The following LGI2 variants were observed in gnomAD, a reference collection of about 807,000 sequenced individuals.
The protein encoded by LGI2 is leucine rich repeat LGI family member 2.
LGI2 carries 30 observed loss-of-function variants against 52.0 expected under a neutral mutation model. The ratio of observed to expected loss-of-function variants is 0.58; its 90% CI spans 0.43 to 0.78. LGI2 has a LOEUF of 0.78. Among genes scored for constraint, LGI2 ranks in the 30% least tolerant of loss-of-function variants. The pLI is 0.00. For missense variants in LGI2, 573 were observed against 692.5 expected, an observed-to-expected ratio of 0.83 and a Z score of 1.94; for synonymous variants, 270 against 271.8, an observed-to-expected ratio of 0.99 and a Z score of 0.06.
intron 5 of LGI2, 41 bp from the exon 6 acceptor site, chr4:25,018,199 T>C (rs1405951121): frequency 7.0e-7 from 1 of 1,427,824 alleles, no homozygotes. Context: ...CAAAGAGAAA[T>C]AGATGTGTCT....
At chr4:24,992,099 A>T in the LGI2 span, among the ~76,000 whole-genome samples, 2 of 152,198 alleles carry the variant, frequency 1.3e-5, no homozygotes, top group Non-Finnish European at 2.9e-5. Context: ...AGAAGATTCA[A>T]GCTGCAGATT....
At chr4:25,013,503 T>G (rs1183050362) in intron 6 of LGI2, among the ~76,000 whole-genome samples, 2 of 152,152 alleles carry the variant, frequency 1.3e-5, no homozygotes, top group Non-Finnish European at 2.9e-5. Context: ...GATTCACGAT[T>G]ATTTCAAAAG....
At chr4:24,997,340 A>G (rs567102182), downstream of LGI2, among the ~76,000 whole-genome samples, 13 of 152,318 alleles carry the variant, frequency 8.5e-5, no homozygotes, top group South Asian at 2.3e-3. Flanking sequence ...GGCAATTTAT[A>G]TAGAGCACTT....
intron 5 of LGI2, 40 bp downstream of exon 5, chr4:25,019,127 C>A (rs773877300): frequency 8.3e-7 from 1 of 1,199,258 alleles, no homozygotes; most frequent in Admixed American, 1.7e-5. Context: ...TTAACTGGGG[C>A]ACAATGACAA....
At chr4:25,008,514 C>A (rs571430812) in intron 7 of LGI2, among the ~76,000 whole-genome samples, 1 of 148,456 alleles carries the variant, frequency 6.7e-6, no homozygotes, top group East Asian at 2.0e-4. Context: ...GATCACACCA[C>A]CGCACTCCAG....
Position 25,002,181 on chromosome 4 carries a change from C to T in LGI2, c.*1270G>A, listed in dbSNP as rs1231913335. ...TCCAAAGCTGGCCCCTACTGATCAG[C>T]CTGAGATCCCCAGCCTGCACAGGCT... On this transcript the variant is annotated 3_prime_UTR_variant, in exon 8 of 8. Coordinates refer to ENST00000382114, the MANE Select transcript of LGI2 (RefSeq NM_018176.4). The T allele has an allele frequency of 1.3e-5, 2 of 152,236 alleles. No homozygotes were observed. The highest frequency in any genetic ancestry group is 1.3e-4 in the Admixed American group (2 of 15,284). 9.4% of individuals were successfully genotyped at this position (152,236 alleles called of 1,614,324 possible).
chr4:24,998,334 T>G (rs947354257), downstream of LGI2, among the ~76,000 whole-genome samples: 3 of 152,192 alleles, frequency 2.0e-5, no homozygotes, highest in Admixed American at 2.0e-4. Context: ...TGACACACAA[T>G]AAGTACACAG....
rs1333788571 is a variant in LGI2 at position 25,014,846 on chromosome 4, AAAAAAAAAGAG to A, written c.656-2358_656-2348del. Among the ~76,000 whole-genome samples the A allele has an allele frequency of 4.5e-4, 64 of 143,402 alleles. 1 individual carries two copies. The highest frequency in any genetic ancestry group is 7.1e-4 in the African/African-American group (26 of 36,842). 94.1% of individuals were successfully genotyped at this position (143,402 alleles called of 152,430 possible). On this transcript the variant is annotated intron_variant, in intron 6 of 7. Transcript: ENST00000382114. ...ACCTTGTCTCAAAAAAAAAAAAAAA[AAAAAAAAAGAG>A]AGAGAGAGAGAGAGAATGAAAAGAA...
At position 24,999,435 on chromosome 4, in the gene LGI2, C is replaced by T. The variant is rs1409507138; in HGVS notation, c.*4016G>A. 4.6e-5 allele frequency: 7 copies of T among 152,984 alleles called. No individual in the cohort carries two copies. The highest frequency in any genetic ancestry group is 1.0e-4 in the Non-Finnish European group (7 of 68,626). 9.5% of individuals were successfully genotyped at this position (152,984 alleles called of 1,614,324 possible). A position where few individuals can be genotyped will look rare whatever the true frequency, so the allele number is the denominator to read the frequency against. ...CCACTTTGCCATTCCCCTTCCATTGCCACCCAAATCCGGACCACTTTCTAA... is the reference window on the plus strand; with the variant it reads ...CCACTTTGCCATTCCCCTTCCATTGTCACCCAAATCCGGACCACTTTCTAA... On this transcript the variant is annotated 3_prime_UTR_variant, in exon 8 of 8. Transcript: ENST00000382114.
intron 4 of LGI2, among the ~76,000 whole-genome samples, chr4:25,024,145 T>C (rs1223898791): frequency 6.6e-6 from 1 of 152,190 alleles, no homozygotes; most frequent in African/African-American, 2.4e-5. Flanking sequence ...CAGATTATTA[T>C]GAAAGATGAA....
the LGI2 span, among the ~76,000 whole-genome samples, chr4:24,992,557 T>TA: frequency 1.7e-3 from 247 of 145,654 alleles, no homozygotes; most frequent in Non-Finnish European, 1.9e-3. Flanking sequence ...CTACTAAAAA[T>TA]AAAAAAAAAT....
chr4:25,019,495 C>T (rs1486505708), intron 4 of LGI2, among the ~76,000 whole-genome samples: 4 of 152,068 alleles, frequency 2.6e-5, no homozygotes, highest in African/African-American at 9.7e-5. Context: ...TCCCATGTTT[C>T]CTGGAATCAA....
chr4:25,011,600 A>G (rs970444258), intron 7 of LGI2, among the ~76,000 whole-genome samples: 2 of 152,228 alleles, frequency 1.3e-5, no homozygotes, highest in African/African-American at 4.8e-5. Context: ...ACGCTGCTCT[A>G]AGGCCACATC....
At chr4:25,006,339 C>G (rs542376998) in intron 7 of LGI2, among the ~76,000 whole-genome samples, 1 of 152,302 alleles carries the variant, frequency 6.6e-6, no homozygotes, top group African/African-American at 2.4e-5. Flanking sequence ...GATCCTCCAT[C>G]TAGATCACTC....
chr4:25,028,676 C>G, intron 1 of LGI2, 98 bp from the exon 2 acceptor site: 1 of 1,024,792 alleles, frequency 9.8e-7, no homozygotes, highest in South Asian at 1.4e-5. Flanking sequence ...TACTTCAAAC[C>G]CTGACTCTCA....
chr4:25,009,436 C>T (rs1323254069), intron 7 of LGI2, among the ~76,000 whole-genome samples: 5 of 152,146 alleles, frequency 3.3e-5, no homozygotes, highest in Non-Finnish European at 7.4e-5. Context: ...GGACCCTCTA[C>T]CCAAGCCTTC....
Position 25,005,229 on chromosome 4 carries a change from T to C in LGI2, c.821-961A>G, listed in dbSNP as rs552861114. ...GACGTTAGTTGTACAACACTGTGAA[T>C]GTACCTAATGCCACTGACCAGTATA... On this transcript the variant is annotated intron_variant, in intron 7 of 7. Coordinates refer to ENST00000382114, the MANE Select transcript of LGI2 (RefSeq NM_018176.4). Among the ~76,000 whole-genome samples the C allele has an allele frequency of 1.3e-5, 2 of 152,328 alleles. 1 individual carries two copies. The highest frequency in any genetic ancestry group is 4.1e-4 in the South Asian group (2 of 4,828).
chr4:25,019,533 G>T (rs1725885900), intron 4 of LGI2, among the ~76,000 whole-genome samples: 1 of 152,008 alleles, frequency 6.6e-6, no homozygotes, highest in African/African-American at 2.4e-5. Flanking sequence ...TGGCATGCAA[G>T]ACCCTTTATT....
chr4:25,015,921 T>C (rs1206373843), intron 6 of LGI2, among the ~76,000 whole-genome samples: 1 of 152,154 alleles, frequency 6.6e-6, no homozygotes, highest in African/African-American at 2.4e-5. Flanking sequence ...TTTGTGAGTC[T>C]TAAAGGGATA....
Sources: gnomAD v4.1 joint callset for allele counts (sites outside exome capture counted in the v4.1 genomes callset) on GRCh38, gnomAD v4.1.1 for gene constraint, MANE v1.5 for transcripts, NCBI Gene and HGNC (gene_info 2026-07-23, HGNC 2026-07-21) for gene names.